WDFY2: variants seen among roughly 807,000 people sequenced by gnomAD.
WDFY2 encodes WD repeat and FYVE domain-containing protein 2.
In WDFY2, 36 loss-of-function variants were observed where a neutral mutation model predicts 56.4. The ratio of observed to expected loss-of-function variants is 0.64; its 90% CI spans 0.49 to 0.84. The LOEUF (loss-of-function observed/expected upper bound fraction) is 0.84. Ranked by LOEUF, WDFY2 falls within the 40% of genes least tolerant of loss-of-function variation. The pLI, the probability that WDFY2 is intolerant of heterozygous loss-of-function variation, is 0.00. For missense variants in WDFY2, 444 were observed against 512.2 expected, an observed-to-expected ratio of 0.87 and a Z score of 1.29; for synonymous variants, 176 against 183.7, an observed-to-expected ratio of 0.96 and a Z score of 0.34.
At chr13:51,701,796 C>A (rs1335015257) in intron 3 of WDFY2, among the ~76,000 whole-genome samples, 1 of 152,018 alleles carries the variant, frequency 6.6e-6, no homozygotes. Context: ...ATAATATGAA[C>A]AATATGAACT....
At chr13:51,630,522 T>G (rs1029135045) in intron 1 of WDFY2, among the ~76,000 whole-genome samples, 3 of 152,008 alleles carry the variant, frequency 2.0e-5, no homozygotes, top group South Asian at 2.1e-4. Context: ...TTTCTTTCTT[T>G]ATGCATACTT....
At chr13:51,728,824 G>A (rs144697481) in intron 6 of WDFY2, among the ~76,000 whole-genome samples, 40 of 152,150 alleles carry the variant, frequency 2.6e-4, no homozygotes, top group Non-Finnish European at 4.1e-4. Context: ...TTTTTTAGCC[G>A]CTTACACCCT....
chr13:51,606,831 A>G (rs548838576), intron 1 of WDFY2, among the ~76,000 whole-genome samples: 9 of 152,258 alleles, frequency 5.9e-5, no homozygotes, highest in African/African-American at 2.2e-4. Context: ...CTGCCTATCT[A>G]AATAACAAAA....
At chr13:51,687,618 A>G (rs1956082671) in intron 3 of WDFY2, among the ~76,000 whole-genome samples, 1 of 151,002 alleles carries the variant, frequency 6.6e-6, no homozygotes, top group Admixed American at 6.6e-5. Context: ...CTTGAGCTAA[A>G]AAAAAAAAAG....
intron 1 of WDFY2, among the ~76,000 whole-genome samples, chr13:51,595,667 G>A (rs1315707053): frequency 6.6e-6 from 1 of 152,108 alleles, no homozygotes; most frequent in African/African-American, 2.4e-5. Context: ...GGACTAAGTA[G>A]TTAGAGCTTT....
chr13:51,739,252 A>C, intron 7 of WDFY2, 77 bp downstream of exon 7: 1 of 1,430,952 alleles, frequency 7.0e-7, no homozygotes, highest in African/African-American at 1.4e-5. Flanking sequence ...AGTGCAGCCC[A>C]GTCTGTGGCA....
intron 4 of WDFY2, among the ~76,000 whole-genome samples, chr13:51,708,605 GA>G (rs1422393161): frequency 2.0e-5 from 3 of 150,376 alleles, no homozygotes; most frequent in African/African-American, 7.3e-5. Flanking sequence ...AGACTAAGAG[GA>G]AAAAAGGGGT....
intron 4 of WDFY2, among the ~76,000 whole-genome samples, chr13:51,707,939 C>CTTTTTTTTTTTTTTTTTTTTTT (rs56054205): frequency 5.2e-5 from 3 of 57,570 alleles, no homozygotes; most frequent in African/African-American, 7.2e-5. Context: ...CCTAAAACAA[C>CTTTTTTTTTTTTTTTTTTTTTT]TTTTTTTTTT....
In WDFY2 at chr13:51,687,777, C is replaced by T. The variant is rs543532497; in HGVS notation, c.279+12534C>T. ...AAAGAAGGATAAAATGATCTGATCACTGATAGCTTTCATTTAATGCAGACT... is the reference window on the plus strand; with the variant it reads ...AAAGAAGGATAAAATGATCTGATCATTGATAGCTTTCATTTAATGCAGACT... On this transcript the variant is annotated intron_variant, in intron 3 of 11. Transcript: ENST00000298125. Among the ~76,000 whole-genome samples, 16 of 152,222 alleles carry T rather than the reference C, an allele frequency of 1.1e-4. 1 individual carries two copies. The South Asian group carries it at 2.5e-3, about 24-fold the overall frequency.
chr13:51,631,917 T>C (rs568637709), intron 1 of WDFY2, among the ~76,000 whole-genome samples: 17 of 152,346 alleles, frequency 1.1e-4, no homozygotes, highest in African/African-American at 3.6e-4. Flanking sequence ...TTTTTTATTC[T>C]ATTTTTTCAG....
chr13:51,705,220 C>T (rs186221314), intron 4 of WDFY2, among the ~76,000 whole-genome samples: 22 of 152,268 alleles, frequency 1.4e-4, no homozygotes, highest in African/African-American at 5.3e-4. Context: ...TAAGAGAGTT[C>T]GGAAGCAGAT....
chr13:51,712,780 G>A (rs1952252096), intron 4 of WDFY2, among the ~76,000 whole-genome samples: 1 of 151,096 alleles, frequency 6.6e-6, no homozygotes, highest in South Asian at 2.1e-4. Context: ...ATCAATATCA[G>A]GAATGAGTGA....
intron 1 of WDFY2, chr13:51,592,141 A>T (rs1158554475): frequency 6.6e-6 from 1 of 152,138 alleles, no homozygotes; most frequent in Non-Finnish European, 1.5e-5. Context: ...TTAAAGTGTA[A>T]TAAAAAGAAA....
intron 4 of WDFY2, among the ~76,000 whole-genome samples, chr13:51,714,452 C>T (rs1270886291): frequency 6.6e-6 from 1 of 152,000 alleles, no homozygotes; most frequent in Non-Finnish European, 1.5e-5. Context: ...CCACCATGCC[C>T]GGCTAATTTT....
chr13:51,709,804 A>G (rs1238200892), intron 4 of WDFY2, among the ~76,000 whole-genome samples: 1 of 152,158 alleles, frequency 6.6e-6, no homozygotes, highest in Non-Finnish European at 1.5e-5. Flanking sequence ...TAGGCTACCA[A>G]CCAAAAAAAG....
chr13:51,677,924 T>A (rs1469730173), intron 3 of WDFY2, among the ~76,000 whole-genome samples: 1 of 152,158 alleles, frequency 6.6e-6, no homozygotes, highest in Non-Finnish European at 1.5e-5. Flanking sequence ...TGCCTTTTAT[T>A]TTTTCCTGTG....
intron 1 of WDFY2, among the ~76,000 whole-genome samples, chr13:51,632,595 C>T (rs1014100833): frequency 2.0e-5 from 3 of 152,098 alleles, no homozygotes; most frequent in African/African-American, 4.8e-5. Flanking sequence ...TTAGGCTACC[C>T]ATTTTGCTTT....
intron 7 of WDFY2, 70 bp from the exon 8 acceptor site, chr13:51,751,240 C>A: frequency 2.0e-6 from 3 of 1,508,018 alleles, no homozygotes; most frequent in Non-Finnish European, 1.8e-6. Flanking sequence ...GCTGACTTTG[C>A]CAAGGTTTCT....
At chr13:51,721,267 C>T (rs1055320906) in intron 5 of WDFY2, among the ~76,000 whole-genome samples, 1 of 152,110 alleles carries the variant, frequency 6.6e-6, no homozygotes, top group Non-Finnish European at 1.5e-5. Flanking sequence ...GCCTTGGACT[C>T]CTGTTTTTTT....
Sources: allele counts gnomAD v4.1 joint callset (sites outside exome capture counted in the v4.1 genomes callset), GRCh38; gene constraint gnomAD v4.1.1; transcripts MANE v1.5; gene names NCBI Gene and HGNC (gene_info 2026-07-23, HGNC 2026-07-21).